The following EPB41L4B variants were observed in gnomAD, a reference collection of about 807,000 sequenced individuals.
EPB41L4B encodes band 4.1-like protein 4B.
In EPB41L4B, 30 loss-of-function variants were observed where a neutral mutation model predicts 112.5. The ratio of observed to expected loss-of-function variants is 0.27; its 90% CI spans 0.20 to 0.36. EPB41L4B has a LOEUF of 0.36. Ranked by LOEUF, EPB41L4B falls within the 10% of genes least tolerant of loss-of-function variation. The pLI, the probability that EPB41L4B is intolerant of heterozygous loss-of-function variation, is 1.00. For missense variants in EPB41L4B, 1,024 were observed against 1,133.3 expected, an observed-to-expected ratio of 0.90 and a Z score of 1.38; for synonymous variants, 408 against 439.7, an observed-to-expected ratio of 0.93 and a Z score of 0.90.
At chr9:109,226,779 TGAA>T (rs1263560418) in intron 15 of EPB41L4B, among the ~76,000 whole-genome samples, 1 of 145,942 alleles carries the variant, frequency 6.9e-6, no homozygotes, top group African/African-American at 2.5e-5. Context: ...AATATATATA[TGAA>T]GAATATATAT....
intron 20 of EPB41L4B, among the ~76,000 whole-genome samples, chr9:109,197,687 T>C (rs1271071711): frequency 6.6e-6 from 1 of 150,946 alleles, no homozygotes; most frequent in Non-Finnish European, 1.5e-5. Flanking sequence ...GGGCATGGTG[T>C]CATGTGCCTG....
At chr9:109,242,642 A>C (rs528408024) in intron 15 of EPB41L4B, among the ~76,000 whole-genome samples, 1 of 152,302 alleles carries the variant, frequency 6.6e-6, no homozygotes, top group African/African-American at 2.4e-5. Context: ...ATTCCCCAAC[A>C]AACTTTTTTT....
chr9:109,205,093 G>A (rs1241190284), intron 18 of EPB41L4B, among the ~76,000 whole-genome samples: 1 of 152,170 alleles, frequency 6.6e-6, no homozygotes, highest in African/African-American at 2.4e-5. Context: ...CTTCTTTCCT[G>A]CAGGACTTTT....
At chr9:109,233,352 G>A (rs983144393) in intron 15 of EPB41L4B, among the ~76,000 whole-genome samples, 3 of 151,820 alleles carry the variant, frequency 2.0e-5, no homozygotes, top group African/African-American at 7.3e-5. Context: ...ATGATGTCTG[G>A]GTGGGTATCT....
rs531119126 is a variant in EPB41L4B at position 109,222,393 on chromosome 9, G to T, written c.1410-5248C>A. Among the ~76,000 whole-genome samples, 3 of 152,314 alleles carry T rather than the reference G, an allele frequency of 2.0e-5. No homozygotes were observed. In the South Asian group the frequency reaches 6.2e-4, roughly 32 times the overall value. On this transcript the variant is annotated intron_variant, in intron 15 of 25. Transcript: ENST00000374566. ...ATCCTGAAGATTCTAACATGGAGAA[G>T]TTTTGTGGGGTTGCTCATGGCTTCA...
intron 15 of EPB41L4B, among the ~76,000 whole-genome samples, chr9:109,238,452 T>G (rs937797788): frequency 4.6e-5 from 7 of 152,238 alleles, no homozygotes; most frequent in African/African-American, 1.7e-4. Context: ...TATTATTGCC[T>G]GTTATCTGGT....
rs544514212 is a variant in EPB41L4B at position 109,258,651 on chromosome 9, G to T, written c.632-354C>A. 5.9e-5 allele frequency among the ~76,000 whole-genome samples: 9 copies of T among 152,332 alleles called. No homozygotes were observed. The East Asian group carries it at 1.7e-3, about 29-fold the overall frequency. The stretch of plus-strand genomic sequence containing the variant: ...ATTGCAGGGAATGAGGATCTGCCCA[G>T]AAACATCCATTTAACAAGCCTCTCG... On this transcript the variant is annotated intron_variant, in intron 6 of 25. Transcript: ENST00000374566.
At chr9:109,261,423 A>T (rs7030646) in intron 6 of EPB41L4B, among the ~76,000 whole-genome samples, 4 of 152,110 alleles carry the variant, frequency 2.6e-5, no homozygotes, top group Non-Finnish European at 4.4e-5. Context: ...AGTCTGGGTG[A>T]GGTTGCTCAT....
At chr9:109,197,370 C>G (rs1432875233) in intron 20 of EPB41L4B, among the ~76,000 whole-genome samples, 1 of 152,042 alleles carries the variant, frequency 6.6e-6, no homozygotes, top group Non-Finnish European at 1.5e-5. Flanking sequence ...CTGCAGTGAG[C>G]TAAGACTGAG....
chr9:109,265,437 G>A (rs1835366857), intron 4 of EPB41L4B, among the ~76,000 whole-genome samples: 1 of 152,092 alleles, frequency 6.6e-6, no homozygotes. Flanking sequence ...TGCTGCGGTG[G>A]ATTGTAACAA....
chr9:109,267,864 A>G (rs913575097), intron 3 of EPB41L4B, among the ~76,000 whole-genome samples: 3 of 152,234 alleles, frequency 2.0e-5, no homozygotes, highest in Non-Finnish European at 4.4e-5. Flanking sequence ...ACTGACAGCT[A>G]GTTTTTACAA....
chr9:109,307,008 T>C (rs1358391612), intron 1 of EPB41L4B, among the ~76,000 whole-genome samples: 2 of 141,632 alleles, frequency 1.4e-5, no homozygotes, highest in African/African-American at 2.6e-5. Context: ...CTAGATGTGC[T>C]GCAGTTGTTT....
chr9:109,183,754 A>G (rs1021436365), intron 23 of EPB41L4B, among the ~76,000 whole-genome samples: 1 of 152,194 alleles, frequency 6.6e-6, no homozygotes, highest in African/African-American at 2.4e-5. Flanking sequence ...CACCAAGGCC[A>G]CCACTGCCCA....
At chr9:109,210,037 T>C (rs1054245715) in intron 17 of EPB41L4B, among the ~76,000 whole-genome samples, 8 of 152,012 alleles carry the variant, frequency 5.3e-5, no homozygotes, top group Non-Finnish European at 1.0e-4. Flanking sequence ...AAAACAGATA[T>C]AAATGGCACT....
intron 15 of EPB41L4B, among the ~76,000 whole-genome samples, chr9:109,238,313 C>G (rs1834222637): frequency 6.6e-6 from 1 of 152,180 alleles, no homozygotes; most frequent in Non-Finnish European, 1.5e-5. Context: ...ACAGCTGACA[C>G]ACTGAGTAAT....
intron 24 of EPB41L4B, 54 bp downstream of exon 24, chr9:109,182,675 C>T (rs1442717836): frequency 7.4e-7 from 1 of 1,347,510 alleles, no homozygotes; most frequent in Non-Finnish European, 1.1e-6. Flanking sequence ...CAGAAAAGCA[C>T]ACCGCATGGG....
rs1057400691 is a variant in EPB41L4B at position 109,241,270 on chromosome 9, G to C, written c.1409+2348C>G. ...CGTCCAGGCCACACTAGGGAAACTG[G>C]ACCCTAGCAATCTCAACTTCTACGA... On this transcript the variant is annotated intron_variant, in intron 15 of 25. Coordinates refer to ENST00000374566, the MANE Select transcript of EPB41L4B (RefSeq NM_019114.5). 3.0e-6 allele frequency: 3 copies of C among 997,114 alleles called. No homozygotes were observed. In the African/African-American group the frequency reaches 5.2e-5, roughly 17 times the overall value. 61.8% of individuals were successfully genotyped at this position (997,114 alleles called of 1,614,324 possible).
intron 17 of EPB41L4B, among the ~76,000 whole-genome samples, chr9:109,210,851 T>C (rs1343895448): frequency 2.0e-5 from 3 of 152,232 alleles, no homozygotes; most frequent in African/African-American, 7.2e-5. Flanking sequence ...TCAATTTGAA[T>C]TGTGGAAAGA....
At chr9:109,303,682 T>C (rs958619346) in intron 1 of EPB41L4B, among the ~76,000 whole-genome samples, 1 of 151,808 alleles carries the variant, frequency 6.6e-6, no homozygotes, top group African/African-American at 2.4e-5. Context: ...TTCTTTTCTT[T>C]TTGTGGAGAA....
Sources: allele counts gnomAD v4.1 joint callset (sites outside exome capture counted in the v4.1 genomes callset), GRCh38; gene constraint gnomAD v4.1.1; transcripts MANE v1.5; gene names NCBI Gene and HGNC (gene_info 2026-07-23, HGNC 2026-07-21).